Variants in ZNF266 observed in about 807,000 individuals in gnomAD.
The protein encoded by ZNF266 is zinc finger protein 266.
A neutral mutation model predicts 16.4 loss-of-function variants in ZNF266; 16 were observed. The observed-to-expected ratio is 0.98, with a 90% CI of 0.66 to 1.48. The LOEUF (loss-of-function observed/expected upper bound fraction) is 1.48, where lower values mean the gene tolerates loss of function less well. ZNF266 is among the 40% of genes most tolerant of loss of function. ZNF266 has a pLI of 0.00. For missense variants in ZNF266, 738 were observed against 689.1 expected (o/e 1.07, Z -0.79); for synonymous variants, 262 against 237.9 (o/e 1.10, Z -0.93).
chr19:9,418,450 A>G lies in ZNF266; in HGVS notation c.235+55T>C. 1.9e-6 allele frequency: 3 copies of G among 1,581,126 alleles called. No homozygotes were observed. In the South Asian group the frequency reaches 3.3e-5, roughly 17 times the overall value. On this transcript the variant is annotated intron_variant, in intron 8 of 10. Coordinates refer to ENST00000592904, the MANE Select transcript of ZNF266 (RefSeq NM_001370374.1). ...GCTATCTCTGATGTGCAATACAGTA[A>G]GTACATAACATAATCTGTTCCATAG...
At chr19:9,433,034 G>T (rs2071862731) in intron 5 of ZNF266, among the ~76,000 whole-genome samples, 1 of 152,010 alleles carries the variant, frequency 6.6e-6, no homozygotes, top group African/African-American at 2.4e-5. Context: ...ACAGCTCAGG[G>T]CACACACACA....
chr19:9,415,571 C>T (rs1229328661), intron 10 of ZNF266, 83 bp downstream of exon 10: 1 of 1,235,760 alleles, frequency 8.1e-7, no homozygotes, highest in East Asian at 2.6e-5. Flanking sequence ...AGCCACCATT[C>T]CCAGCTTTAT....
intron 5 of ZNF266, among the ~76,000 whole-genome samples, chr19:9,425,098 C>T (rs550702047): frequency 1.3e-5 from 2 of 152,334 alleles, no homozygotes; most frequent in African/African-American, 4.8e-5. Flanking sequence ...AAATCCAACA[C>T]ATCTCACAGC....
chr19:9,416,685 T>TTTC (rs1568406291), intron 9 of ZNF266, among the ~76,000 whole-genome samples: 1 of 138,980 alleles, frequency 7.2e-6, no homozygotes, highest in African/African-American at 2.7e-5. Context: ...TTTTTTTTTT[T>TTTC]TTTTGAGACA....
intron 5 of ZNF266, among the ~76,000 whole-genome samples, chr19:9,429,541 A>T (rs2071273391): frequency 6.6e-6 from 1 of 151,952 alleles, no homozygotes; most frequent in Admixed American, 6.6e-5. Context: ...AGCCCAAAAT[A>T]TCACCGCTGG....
At chr19:9,423,126 T>C (rs547351148) in intron 5 of ZNF266, among the ~76,000 whole-genome samples, 4 of 152,332 alleles carry the variant, frequency 2.6e-5, no homozygotes, top group African/African-American at 4.8e-5. Flanking sequence ...ATAAAGGCTA[T>C]GTGTGGGCTC....
At chr19:9,421,019 G>A (rs2069790333) in intron 5 of ZNF266, among the ~76,000 whole-genome samples, 1 of 103,758 alleles carries the variant, frequency 9.6e-6, no homozygotes. Context: ...CCCAACAACA[G>A]AATGTATTTT....
At position 9,417,816 on chromosome 19, in the gene ZNF266, G is replaced by C; in HGVS notation, c.316+12C>G. ...AACTTATTGACCAGGGCGGTCCTTT[G>C]TGAACACTCACCTTGGAAATCACCT... is the stretch of plus-strand genomic sequence containing the variant. On this transcript the variant is annotated intron_variant, in intron 9 of 10. Coordinates refer to ENST00000592904, the MANE Select transcript of ZNF266 (RefSeq NM_001370374.1). 6.2e-7 allele frequency: 1 copy of C among 1,611,302 alleles called. No homozygotes were observed. Among genetic ancestry groups the C allele is most frequent in the Middle Eastern group, 1.7e-4 (1 of 6,052 alleles).
At chr19:9,430,276 G>A (rs182477202) in intron 5 of ZNF266, among the ~76,000 whole-genome samples, 65 of 152,178 alleles carry the variant, frequency 4.3e-4, no homozygotes, top group African/African-American at 1.3e-3. Context: ...AGTAGCTCCC[G>A]GCCAGAGTGC....
At chr19:9,416,840 A>G (rs2069110454) in intron 9 of ZNF266, among the ~76,000 whole-genome samples, 2 of 148,366 alleles carry the variant, frequency 1.3e-5, no homozygotes, top group African/African-American at 5.0e-5. Context: ...CCCAGCTAAT[A>G]GTTGTATTTT....
chr19:9,417,110 C>T (rs1338841982), intron 9 of ZNF266, among the ~76,000 whole-genome samples: 5 of 29,576 alleles, frequency 1.7e-4, no homozygotes, highest in African/African-American at 7.4e-4. Context: ...GTGGCTCATG[C>T]CTGTAATCCC....
At position 9,414,233 on chromosome 19, in the gene ZNF266, A is replaced by T; in HGVS notation, c.893T>A (p.Met298Lys). ...FRYSAYLNIHMGTHTGDNPYE... is the reference protein window; with the variant it reads ...FRYSAYLNIHKGTHTGDNPYE... Reference sequence around the variant, plus strand: ...GGGATTGTCTCCAGTGTGGGTTCCCATGTGAATATTAAGGTATGCAGAATA... The same window carrying T: ...GGGATTGTCTCCAGTGTGGGTTCCCTTGTGAATATTAAGGTATGCAGAATA... The change falls in exon 11 of 11, where the codon ATG (methionine) becomes AAG (lysine). Residue 298 changes from methionine to lysine, a missense_variant. Physicochemically the swap from Met to Lys is moderately conservative, Grantham distance 95 (BLOSUM62 -1). Transcript: ENST00000592904. 6.2e-7 allele frequency: 1 copy of T among 1,614,170 alleles called. No individual in the cohort carries two copies. The highest frequency in any genetic ancestry group is 8.5e-7 in the Non-Finnish European group (1 of 1,180,036).
At position 9,413,026 on chromosome 19, in the gene ZNF266, C is replaced by G; in HGVS notation, c.*249G>C. The G allele has an allele frequency of 1.9e-6, 1 of 515,136 alleles. No individual in the cohort carries two copies. The highest frequency in any genetic ancestry group is 3.4e-6 in the Non-Finnish European group (1 of 295,654). The allele number at this position is 515,136 out of a possible 1,614,324, so 31.9% of individuals were successfully genotyped here. A position where few individuals can be genotyped will look rare whatever the true frequency, so the allele number is the denominator to read the frequency against. On this transcript the variant is annotated 3_prime_UTR_variant, in exon 11 of 11. Coordinates refer to ENST00000592904, the MANE Select transcript of ZNF266 (RefSeq NM_001370374.1). ...GGTTTGTGGGATTCAGAAAGGTATT[C>G]CCAGATTCTCTACATTCATACAGTT...
At chr19:9,425,676 T>G (rs1179259279) in intron 5 of ZNF266, among the ~76,000 whole-genome samples, 1 of 152,198 alleles carries the variant, frequency 6.6e-6, no homozygotes, top group Non-Finnish European at 1.5e-5. Context: ...CATTGCTGCC[T>G]GTTGTCTCTG....
At chr19:9,425,652 T>G (rs925920837) in intron 5 of ZNF266, among the ~76,000 whole-genome samples, 28 of 152,186 alleles carry the variant, frequency 1.8e-4, no homozygotes, top group African/African-American at 6.8e-4. Context: ...CTGGGGTACC[T>G]CTCTGCTGCT....
rs2068422198 is a variant in ZNF266 at position 9,412,458 on chromosome 19, A to G, written c.*817T>C. The G allele has an allele frequency of 6.6e-6, 1 of 152,266 alleles. No homozygotes were observed. The highest frequency in any genetic ancestry group is 2.1e-4 in the South Asian group (1 of 4,836). 9.4% of individuals were successfully genotyped at this position (152,266 alleles called of 1,614,324 possible). A position where few individuals can be genotyped will look rare whatever the true frequency, so the allele number is the denominator to read the frequency against. On this transcript the variant is annotated 3_prime_UTR_variant, in exon 11 of 11. Transcript: ENST00000592904. Reference sequence around the variant, plus strand: ...CACAAAAAAATTTTATTATGTTTGAAGAAAGCTTAAAAATTTGTGTTGGTC... The same window carrying G: ...CACAAAAAAATTTTATTATGTTTGAGGAAAGCTTAAAAATTTGTGTTGGTC...
At position 9,414,067 on chromosome 19, in the gene ZNF266, A is replaced by T. The variant is rs1337438510; in HGVS notation, c.1059T>A (p.His353Gln). Residue 353 changes from histidine to glutamine, a missense_variant, in exon 11 of 11, where the codon CAT (histidine) becomes CAA (glutamine). By Grantham distance (24) the His-to-Gln change is conservative. Coordinates refer to ENST00000592904, the MANE Select transcript of ZNF266 (RefSeq NM_001370374.1). ...AFTVSSCLSQ[H>Q]MKIHVGEKPY... The stretch of plus-strand genomic sequence containing the variant: ...GCTTCTCACCCACATGGATTTTCAT[A>T]TGTTGACTTAAGCAAGAGGAAACAG... 3 of 1,613,900 alleles carry T rather than the reference A, an allele frequency of 1.9e-6. No homozygotes were observed. In the Admixed American group the frequency reaches 5.0e-5, roughly 27 times the overall value.
At chr19:9,424,477 G>A (rs924278435) in intron 5 of ZNF266, among the ~76,000 whole-genome samples, 4 of 152,292 alleles carry the variant, frequency 2.6e-5, no homozygotes, top group South Asian at 2.1e-4. Context: ...TACAAAACCC[G>A]GAGCAGCTGA....
chr19:9,418,578 A>C lies in ZNF266; in HGVS notation c.162T>G (p.Thr54=). Residue 54 remains threonine (T), a synonymous_variant, in exon 8 of 11, where the codon ACT becomes ACG. Transcript: ENST00000592904. ...GGTTTCTCTGAGTTGGGTCCAGTAA[A>C]GTCCATTCTTCTGGGGTGAAGTCCA... is the stretch of plus-strand genomic sequence containing the variant. ...LAVDFTPEEW[T]LLDPTQRNLY... is the part of the protein sequence containing the mutation. 6.2e-7 allele frequency: 1 copy of C among 1,612,068 alleles called. No homozygotes were observed. Among genetic ancestry groups the C allele is most frequent in the Non-Finnish European group, 8.5e-7 (1 of 1,178,092 alleles).
Sources: allele counts gnomAD v4.1 joint callset (sites outside exome capture counted in the v4.1 genomes callset), GRCh38; gene constraint gnomAD v4.1.1; transcripts MANE v1.5; gene names NCBI Gene and HGNC (gene_info 2026-07-23, HGNC 2026-07-21).